CLCN3: variants seen among roughly 807,000 people sequenced by gnomAD.
CLCN3 encodes the protein H(+)/Cl(-) exchange transporter 3.
In CLCN3, 16 loss-of-function variants were observed where a neutral mutation model predicts 83.4. The observed-to-expected ratio is 0.19, with a 90% CI of 0.13 to 0.29. The LOEUF (loss-of-function observed/expected upper bound fraction) is 0.29. Ranked by LOEUF, CLCN3 falls within the 10% of genes least tolerant of loss-of-function variation. The pLI is 1.00. For synonymous variants in CLCN3, 322 were observed against 346.2 expected (o/e 0.93, Z 0.78); for missense variants, 544 against 1,006.0 (o/e 0.54, Z 6.21).
chr4:169,627,913 A>G (rs1019278442), intron 1 of CLCN3, among the ~76,000 whole-genome samples: 4 of 152,244 alleles, frequency 2.6e-5, no homozygotes, highest in Non-Finnish European at 5.9e-5. Context: ...TTATGTAGTT[A>G]CAGTAATCAA....
At chr4:169,702,092 G>A (rs1732809402) in intron 9 of CLCN3, among the ~76,000 whole-genome samples, 1 of 152,134 alleles carries the variant, frequency 6.6e-6, no homozygotes, top group Non-Finnish European at 1.5e-5. Flanking sequence ...GCTGCCGATC[G>A]CTAGTTTCAG....
intron 2 of CLCN3, among the ~76,000 whole-genome samples, chr4:169,674,451 T>G (rs1015330988): frequency 3.9e-5 from 6 of 152,196 alleles, no homozygotes; most frequent in Admixed American, 6.5e-5. Context: ...TCCTGTTATA[T>G]TTATTCTCCA....
rs1238688340 is a variant in CLCN3, at chr4:169,722,603, T to G, written c.*2606T>G. On this transcript the variant is annotated 3_prime_UTR_variant, in exon 13 of 13. Coordinates refer to ENST00000513761, the MANE Select transcript of CLCN3 (RefSeq NM_001829.4). ...AGCTTCGTAAAACTTCACATGGAGTTTATTTTATCATATTTCCCTTTTTTA... is the reference window on the plus strand; with the variant it reads ...AGCTTCGTAAAACTTCACATGGAGTGTATTTTATCATATTTCCCTTTTTTA... 1 of 152,234 alleles carries G rather than the reference T, an allele frequency of 6.6e-6. No individual in the cohort carries two copies. Among genetic ancestry groups the G allele is most frequent in the Non-Finnish European group, 1.5e-5 (1 of 68,042 alleles). 9.4% of individuals were successfully genotyped at this position (152,234 alleles called of 1,614,324 possible). A position where few individuals can be genotyped will look rare whatever the true frequency, so the allele number is the denominator to read the frequency against.
intron 1 of CLCN3, among the ~76,000 whole-genome samples, chr4:169,625,027 G>C (rs1028397245): frequency 6.6e-5 from 10 of 152,124 alleles, no homozygotes; most frequent in African/African-American, 2.4e-4. Context: ...CCTGACCCAG[G>C]TGATCTGCCC....
chr4:169,720,833 G>C lies in CLCN3; in HGVS notation c.*836G>C, dbSNP rs187125012. 10 of 152,714 alleles carry C rather than the reference G, an allele frequency of 6.5e-5. No homozygotes were observed. The East Asian group carries it at 1.2e-3, about 18-fold the overall frequency. The allele number at this position is 152,714 out of a possible 1,614,324, so 9.5% of individuals were successfully genotyped here. A position where few individuals can be genotyped will look rare whatever the true frequency, so the allele number is the denominator to read the frequency against. ...TCAAAACCGAAAACAATGAAGCTTG[G>C]TTTTAAAGGATAAAGTTTTCTTTTT... On this transcript the variant is annotated 3_prime_UTR_variant, in exon 13 of 13. Transcript: ENST00000513761.
chr4:169,636,100 A>G lies in CLCN3; in HGVS notation c.160+12A>G. ...TGACACTGCAGTTGGTAAGTTCAGCATGACAGCCTAATGTTTGTATTCATG... is the reference window on the plus strand; with the variant it reads ...TGACACTGCAGTTGGTAAGTTCAGCGTGACAGCCTAATGTTTGTATTCATG... On this transcript the variant is annotated intron_variant, in intron 2 of 12. Coordinates refer to ENST00000513761, the MANE Select transcript of CLCN3 (RefSeq NM_001829.4). The G allele has an allele frequency of 6.2e-7, 1 of 1,606,530 alleles. No homozygotes were observed. The highest frequency in any genetic ancestry group is 8.5e-7 in the Non-Finnish European group (1 of 1,175,780).
chr4:169,686,970 C>T (rs1352294396), intron 3 of CLCN3, among the ~76,000 whole-genome samples: 1 of 152,184 alleles, frequency 6.6e-6, no homozygotes, highest in Non-Finnish European at 1.5e-5. Flanking sequence ...GATCGGAGCT[C>T]TCCAAACCTG....
At chr4:169,650,269 T>C (rs932586809) in intron 2 of CLCN3, among the ~76,000 whole-genome samples, 2 of 152,188 alleles carry the variant, frequency 1.3e-5, no homozygotes, top group African/African-American at 4.8e-5. Flanking sequence ...AGTATTCTCG[T>C]ATGTAGATTT....
chr4:169,709,534 A>C (rs1733127013), intron 11 of CLCN3, among the ~76,000 whole-genome samples: 1 of 152,058 alleles, frequency 6.6e-6, no homozygotes, highest in Admixed American at 6.6e-5. Context: ...AATACAAAAA[A>C]AATACATGGG....
rs1252161874 is a variant in CLCN3 at position 169,721,532 on chromosome 4, A to G, written c.*1535A>G. On this transcript the variant is annotated 3_prime_UTR_variant, in exon 13 of 13. Coordinates refer to ENST00000513761, the MANE Select transcript of CLCN3 (RefSeq NM_001829.4). ...CCGAAAGTTCGTGTATACCTTCTTAAAAAAAAAATCAAACCAAAAATGTGA... is the reference window on the plus strand; with the variant it reads ...CCGAAAGTTCGTGTATACCTTCTTAGAAAAAAAATCAAACCAAAAATGTGA... The G allele has an allele frequency of 6.6e-6, 1 of 151,748 alleles. No individual in the cohort carries two copies. Among genetic ancestry groups the G allele is most frequent in the East Asian group, 1.9e-4 (1 of 5,194 alleles). 9.4% of individuals were successfully genotyped at this position (151,748 alleles called of 1,614,324 possible).
At chr4:169,660,310 CT>C in intron 2 of CLCN3, 1 of 1,355,670 alleles carries the variant, frequency 7.4e-7, no homozygotes, top group Non-Finnish European at 9.4e-7. Flanking sequence ...ATGTCACTTT[CT>C]TTTTAAGCTA....
At chr4:169,684,998 T>A (rs1348753701) in intron 3 of CLCN3, among the ~76,000 whole-genome samples, 1 of 119,946 alleles carries the variant, frequency 8.3e-6, no homozygotes, top group Middle Eastern at 4.4e-3. Context: ...TTTTTTTTTT[T>A]AAGAGACTGG....
intron 3 of CLCN3, 34 bp from the exon 4 acceptor site, chr4:169,687,624 T>C (rs1732213114): frequency 3.5e-6 from 5 of 1,419,568 alleles, no homozygotes; most frequent in Admixed American, 3.5e-5. Context: ...TATTCATAGT[T>C]GGAAAAATGA....
intron 5 of CLCN3, 128 bp downstream of exon 5, chr4:169,689,358 A>T (rs1209514898): frequency 1.4e-6 from 1 of 696,088 alleles, no homozygotes; most frequent in African/African-American, 1.9e-5. Context: ...CCCTCAACAC[A>T]TTGCAGCAAG....
chr4:169,637,664 TC>T (rs1730266412), intron 2 of CLCN3, among the ~76,000 whole-genome samples: 1 of 152,096 alleles, frequency 6.6e-6, no homozygotes, highest in Non-Finnish European at 1.5e-5. Context: ...GTTTAACAAG[TC>T]TTCCCATACC....
At chr4:169,716,685 T>C (rs1369710760) in intron 12 of CLCN3, among the ~76,000 whole-genome samples, 1 of 152,118 alleles carries the variant, frequency 6.6e-6, no homozygotes, top group Non-Finnish European at 1.5e-5. Flanking sequence ...TGAGAAAACA[T>C]GAGCAGAGAA....
chr4:169,670,345 A>G (rs1414344287), intron 2 of CLCN3, among the ~76,000 whole-genome samples: 1 of 152,198 alleles, frequency 6.6e-6, no homozygotes, highest in Non-Finnish European at 1.5e-5. Flanking sequence ...CAGTTTTCCC[A>G]GCACCATTTA....
At chr4:169,694,655 A>G (rs1732497408) in intron 7 of CLCN3, among the ~76,000 whole-genome samples, 1 of 152,132 alleles carries the variant, frequency 6.6e-6, no homozygotes, top group Non-Finnish European at 1.5e-5. Context: ...TGTTGCCAAC[A>G]TGGTGAAACC....
chr4:169,709,958 T>A (rs1733146912), intron 11 of CLCN3, among the ~76,000 whole-genome samples: 1 of 150,470 alleles, frequency 6.6e-6, no homozygotes. Flanking sequence ...ATTGTCTGGG[T>A]GTGGTGGTGC....
Sources: allele counts gnomAD v4.1 joint callset (sites outside exome capture counted in the v4.1 genomes callset), GRCh38; gene constraint gnomAD v4.1.1; transcripts MANE v1.5; gene names NCBI Gene and HGNC (gene_info 2026-07-23, HGNC 2026-07-21).